The following MORC2 variants were observed in gnomAD, a reference collection of about 807,000 sequenced individuals.
The protein encoded by MORC2 is ATPase MORC2.
MORC2 carries 30 observed loss-of-function variants against 136.0 expected under a neutral mutation model. The ratio of observed to expected loss-of-function variants is 0.22; its 90% confidence interval spans 0.17 to 0.30. The LOEUF is 0.30. MORC2 is among the 10% of genes least tolerant of loss of function. The pLI, the probability that MORC2 is intolerant of heterozygous loss-of-function variation, is 1.00. For missense variants in MORC2, 922 were observed against 1,333.1 expected (o/e 0.69, Z 4.80); for synonymous variants, 439 against 487.0 (o/e 0.90, Z 1.30).
rs796225589 is a variant in MORC2, at chr22:30,936,988, T to C, written c.1548A>G (p.Glu516=). 4 of 1,614,092 alleles carry C rather than the reference T, an allele frequency of 2.5e-6. No individual in the cohort carries two copies. The highest frequency in any genetic ancestry group is 2.7e-5 in the African/African-American group (2 of 75,002). The stretch of plus-strand genomic sequence containing the variant: ...AAACCCAGGTGTCAGGGTAATCTTT[T>C]TCCACAGAACTCAGCTGGAAGGGGA... ...RTLPFQLSSV[E]KDYPDTWVCS... is the part of the protein sequence containing the mutation. The change falls in exon 16 of 26, where the codon GAA becomes GAG. Residue 516 remains glutamate (E), a synonymous_variant. Coordinates refer to ENST00000397641, the MANE Select transcript of MORC2 (RefSeq NM_001303256.3).
rs572511261 is a variant in MORC2, at chr22:30,968,531, G to A, written c.-642C>T. ...CGGACCAAACCCAGTTCAGGGTGGT[G>A]GTCAGATTACCTCACACTTGGCCCA... On this transcript the variant is annotated 5_prime_UTR_variant, in exon 1 of 26. Transcript: ENST00000397641. Among the ~76,000 whole-genome samples the A allele has an allele frequency of 8.5e-5, 13 of 152,238 alleles. 1 individual carries two copies. The South Asian group carries it at 2.5e-3, about 29-fold the overall frequency.
At position 30,946,220 on chromosome 22, in the gene MORC2, G is replaced by A. The variant is rs1209576531; in HGVS notation, c.426+121C>T. ...AGCCAGCTAACTGCATAACAATTAGGGGGAATGTGCTCCAATCCTGCAACC... is the reference window on the plus strand; with the variant it reads ...AGCCAGCTAACTGCATAACAATTAGAGGGAATGTGCTCCAATCCTGCAACC... On this transcript the variant is annotated intron_variant, in intron 6 of 25. Transcript: ENST00000397641. 7 of 672,384 alleles carry A rather than the reference G, an allele frequency of 1.0e-5. No homozygotes were observed. The African/African-American group carries it at 1.3e-4, about 12-fold the overall frequency. 41.7% of individuals were successfully genotyped at this position (672,384 alleles called of 1,614,324 possible).
intron 2 of MORC2, 91 bp downstream of exon 2, chr22:30,958,550 G>T: frequency 1.0e-6 from 1 of 979,638 alleles, no homozygotes. Flanking sequence ...CTACAGAAAT[G>T]TCTTCCTCTC....
chr22:30,938,336 T>C (rs762270492), intron 12 of MORC2, 131 bp from the exon 13 acceptor site: 188 of 1,033,386 alleles, frequency 1.8e-4, no homozygotes, highest in Non-Finnish European at 2.4e-4. Context: ...ATTTGATGTG[T>C]AACCTGTTAG....
intron 3 of MORC2, among the ~76,000 whole-genome samples, chr22:30,952,221 C>G (rs983009444): frequency 2.0e-5 from 3 of 152,164 alleles, no homozygotes; most frequent in African/African-American, 7.2e-5. Context: ...GGGTCAGGTA[C>G]AGAGAATGGT....
chr22:30,953,563 T>A (rs1027408397), intron 3 of MORC2, among the ~76,000 whole-genome samples: 2 of 152,192 alleles, frequency 1.3e-5, no homozygotes, highest in African/African-American at 4.8e-5. Context: ...GAGGCTGCAA[T>A]AAAATGACAT....
chr22:30,951,143 G>C (rs2040880647), intron 3 of MORC2, among the ~76,000 whole-genome samples: 1 of 152,216 alleles, frequency 6.6e-6, no homozygotes, highest in Non-Finnish European at 1.5e-5. Context: ...TGCCTGATGG[G>C]AAGAAGGAAT....
chr22:30,933,175 C>T (rs923895141), intron 21 of MORC2, 145 bp from the exon 22 acceptor site: 37 of 1,237,536 alleles, frequency 3.0e-5, no homozygotes, highest in Non-Finnish European at 3.7e-5. Flanking sequence ...GACACAGAGA[C>T]CAGGGACCAG....
At position 30,941,400 on chromosome 22, in the gene MORC2, G is replaced by A; in HGVS notation, c.824+33C>T. 6.2e-7 allele frequency: 1 copy of A among 1,610,550 alleles called. No homozygotes were observed. The highest frequency in any genetic ancestry group is 1.1e-5 in the South Asian group (1 of 90,972). ...AACGCGGCCACATCCTCGACCCATGGGAGACAGCAGGCCAAGGGGCACTGG... is the reference window on the plus strand; with the variant it reads ...AACGCGGCCACATCCTCGACCCATGAGAGACAGCAGGCCAAGGGGCACTGG... On this transcript the variant is annotated intron_variant, in intron 9 of 25. Coordinates refer to ENST00000397641, the MANE Select transcript of MORC2 (RefSeq NM_001303256.3). The surrounding 1 kb of genome is among the most constrained non-coding windows in gnomAD (Gnocchi z 4.6).
rs757399034 is a variant in MORC2, at chr22:30,932,842, G to T, written c.2522+47C>A. The T allele has an allele frequency of 6.2e-6, 10 of 1,613,674 alleles. No individual in the cohort carries two copies. The East Asian group carries it at 2.2e-4, about 36-fold the overall frequency. ...ATGGGCTGCTGGCAGGGAGGCCGGG[G>T]ATACCTCCTTCGAGGAACCACTGCT... On this transcript the variant is annotated intron_variant, in intron 22 of 25. Transcript: ENST00000397641. The surrounding 1 kb of genome is among the most constrained non-coding windows in gnomAD (Gnocchi z 4.4).
chr22:30,936,993 C>T lies in MORC2; in HGVS notation c.1543G>A (p.Val515Met). 1 of 1,614,072 alleles carries T rather than the reference C, an allele frequency of 6.2e-7. No homozygotes were observed. Among genetic ancestry groups the T allele is most frequent in the Non-Finnish European group, 8.5e-7 (1 of 1,180,006 alleles). The change falls in exon 16 of 26, where the codon GTG becomes ATG. Residue 515 changes from valine to methionine, a missense_variant. Val to Met is a conservative substitution (Grantham distance 21). Around this residue, in one of 9 missense-constraint regions of MORC2, gnomAD observed 119 missense variants for 202.7 expected, o/e 0.59. Coordinates refer to ENST00000397641, the MANE Select transcript of MORC2 (RefSeq NM_001303256.3). ...WRTLPFQLSSVEKDYPDTWVC... is the reference protein window; with the variant it reads ...WRTLPFQLSSMEKDYPDTWVC... Reference sequence around the variant, plus strand: ...CAGGTGTCAGGGTAATCTTTTTCCACAGAACTCAGCTGGAAGGGGAGGGTT... The same window carrying T: ...CAGGTGTCAGGGTAATCTTTTTCCATAGAACTCAGCTGGAAGGGGAGGGTT...
At position 30,937,073 on chromosome 22, in the gene MORC2, G is replaced by A. The variant is rs139486312; in HGVS notation, c.1499-36C>T. The A allele has an allele frequency of 1.5e-5, 22 of 1,454,230 alleles. No individual in the cohort carries two copies. Among genetic ancestry groups the A allele is most frequent in the Middle Eastern group, 1.7e-4 (1 of 5,798 alleles). 90.1% of individuals were successfully genotyped at this position (1,454,230 alleles called of 1,614,324 possible). On this transcript the variant is annotated intron_variant, in intron 15 of 25. Coordinates refer to ENST00000397641, the MANE Select transcript of MORC2 (RefSeq NM_001303256.3). This position sits in a 1 kb window ranked among gnomAD's most constrained non-coding sequence, Gnocchi z 4.7. ...CAAAAAAACCCCACATATCAGCCACGCCCACCAACTCTATCTGTAATCCGG... is the reference window on the plus strand; with the variant it reads ...CAAAAAAACCCCACATATCAGCCACACCCACCAACTCTATCTGTAATCCGG...
At chr22:30,950,339 A>AAGCC in intron 4 of MORC2, 38 bp downstream of exon 4, 1 of 539,984 alleles carries the variant, frequency 1.9e-6, no homozygotes, top group Non-Finnish European at 3.5e-6. Context: ...GTTACATCGC[A>AAGCC]CCCCCCCACC....
intron 1 of MORC2, among the ~76,000 whole-genome samples, chr22:30,963,964 T>C (rs1046985724): frequency 6.6e-6 from 1 of 152,220 alleles, no homozygotes; most frequent in Admixed American, 6.5e-5. Context: ...ATGGCTTTAA[T>C]ATATTTAAGA....
At chr22:30,953,640 T>C (rs1346523982) in intron 3 of MORC2, among the ~76,000 whole-genome samples, 2 of 152,226 alleles carry the variant, frequency 1.3e-5, no homozygotes, top group Non-Finnish European at 2.9e-5. Flanking sequence ...TTGCTCCAAT[T>C]TTCCATGTGT....
chr22:30,939,329 A>G (rs1216438367), intron 12 of MORC2, among the ~76,000 whole-genome samples: 1 of 152,212 alleles, frequency 6.6e-6, no homozygotes, highest in Non-Finnish European at 1.5e-5. Context: ...GTTTCATACA[A>G]TGAGCATTTT....
rs773717593 is a variant in MORC2, at chr22:30,932,795, A to T, written c.2523-26T>A. On this transcript the variant is annotated intron_variant, in intron 22 of 25. Transcript: ENST00000397641. This position sits in a 1 kb window ranked among gnomAD's most constrained non-coding sequence, Gnocchi z 4.4. ...CTGTGGAAGACACACAGCTTATGTC[A>T]TGTCTGACCCGGGCTCCCAGGATGG... is the stretch of plus-strand genomic sequence containing the variant. The T allele has an allele frequency of 9.9e-6, 16 of 1,613,312 alleles. No individual in the cohort carries two copies. In the South Asian group the frequency reaches 1.3e-4, roughly 13 times the overall value.
chr22:30,940,355 A>G (rs920149531), intron 10 of MORC2, among the ~76,000 whole-genome samples: 1 of 152,146 alleles, frequency 6.6e-6, no homozygotes, highest in Non-Finnish European at 1.5e-5. Context: ...TGGAAGCTAA[A>G]GAAGTCTTCA....
At position 30,968,096 on chromosome 22, in the gene MORC2, T is replaced by C. The variant is rs2041156885; in HGVS notation, c.-207A>G. 2 of 543,174 alleles carry C rather than the reference T, an allele frequency of 3.7e-6. No homozygotes were observed. The highest frequency in any genetic ancestry group is 1.9e-5 in the African/African-American group (1 of 52,220). 33.6% of individuals were successfully genotyped at this position (543,174 alleles called of 1,614,324 possible). On this transcript the variant is annotated 5_prime_UTR_variant, in exon 1 of 26. Transcript: ENST00000397641. Reference sequence around the variant, plus strand: ...AAGTGTTTTTTTTTAATCTTCTCAATGATTTATGATGTAATATTTTGGAAG... The same window carrying C: ...AAGTGTTTTTTTTTAATCTTCTCAACGATTTATGATGTAATATTTTGGAAG...
Sources: gnomAD v4.1 joint callset for allele counts (sites outside exome capture counted in the v4.1 genomes callset) on GRCh38, gnomAD v4.1.1 for gene constraint, gnomAD v4.1.1 regional missense constraint, Gnocchi (gnomAD v3.1) non-coding constraint, MANE v1.5 for transcripts, NCBI Gene and HGNC (gene_info 2026-07-23, HGNC 2026-07-21) for gene names.